The following CTNNA2 variants were observed in gnomAD, a reference collection of about 807,000 sequenced individuals.
CTNNA2 encodes the protein catenin alpha-2.
CTNNA2 carries 42 observed loss-of-function variants against 101.0 expected under a neutral mutation model. That is an observed-to-expected ratio of 0.42 (90% CI 0.32 to 0.54). The LOEUF is 0.54. CTNNA2 is among the 20% of genes least tolerant of loss of function. The pLI is 0.14. For missense variants in CTNNA2, 871 were observed against 1,223.1 expected (o/e 0.71, Z 4.29); for synonymous variants, 450 against 456.4 (o/e 0.99, Z 0.18).
intron 1 of CTNNA2, among the ~76,000 whole-genome samples, chr2:79,627,904 T>C (rs1679424629): frequency 1.3e-5 from 2 of 152,232 alleles, no homozygotes; most frequent in Non-Finnish European, 2.9e-5. Flanking sequence ...AAGGGAAATA[T>C]ACTGTTCTTT....
intron 4 of CTNNA2, among the ~76,000 whole-genome samples, chr2:79,445,535 C>T (rs1045321214): frequency 1.3e-5 from 2 of 152,146 alleles, no homozygotes; most frequent in Non-Finnish European, 2.9e-5. Flanking sequence ...CTTTTGGCTT[C>T]TTTCGGATGT....
At chr2:79,561,110 T>C (rs1164029768) in intron 1 of CTNNA2, among the ~76,000 whole-genome samples, 2 of 151,960 alleles carry the variant, frequency 1.3e-5, no homozygotes, top group African/African-American at 4.8e-5. Context: ...TCTCTAGGCT[T>C]ACTGTCTGCA....
chr2:80,313,718 C>G, intron 7 of CTNNA2: 1 of 1,239,876 alleles, frequency 8.1e-7, no homozygotes, highest in South Asian at 1.3e-5. Flanking sequence ...AGACTTTCAA[C>G]TAGAAATATG....
At chr2:79,673,062 A>T (rs1386836349) in intron 2 of CTNNA2, among the ~76,000 whole-genome samples, 1 of 152,150 alleles carries the variant, frequency 6.6e-6, no homozygotes, top group Admixed American at 6.5e-5. Context: ...TATATTGTCA[A>T]TATTTACCAA....
chr2:79,512,440 C>T (rs1671570740), upstream of CTNNA2, among the ~76,000 whole-genome samples: 1 of 152,082 alleles, frequency 6.6e-6, no homozygotes, highest in South Asian at 2.1e-4. Flanking sequence ...CGGGACTCCA[C>T]ATCCCAACAA....
rs1692978142 is a variant in CTNNA2 at position 80,555,788 on chromosome 2, C to T, written c.1636C>T (p.Arg546Trp). 3 of 1,599,796 alleles carry T rather than the reference C, an allele frequency of 1.9e-6. No individual in the cohort carries two copies. Among genetic ancestry groups the T allele is most frequent in the Admixed American group, 1.7e-5 (1 of 58,038 alleles). ...CCGGACTGCAGGGGCCATCAGGGGC[C>T]GGGCAGCTCGAGTCATACACATCAT... ...LDRTAGAIRG[R>W]AARVIHIINA... Residue 546 changes from arginine (R) to tryptophan (W), a missense_variant, in exon 12 of 19, where the codon CGG (arginine) becomes TGG (tryptophan). This residue lies in a region of CTNNA2 where 647 missense variants were observed against 831.5 expected (regional missense o/e 0.78). Transcript: ENST00000402739.
intron 11 of CTNNA2, among the ~76,000 whole-genome samples, chr2:80,555,257 G>A (rs1558581729): frequency 6.6e-6 from 1 of 152,292 alleles, no homozygotes; most frequent in East Asian, 1.9e-4. Flanking sequence ...TTTATACTTG[G>A]TCAGATTGAC....
At chr2:80,276,269 C>A (rs770968917) in intron 7 of CTNNA2, among the ~76,000 whole-genome samples, 1 of 152,044 alleles carries the variant, frequency 6.6e-6, no homozygotes, top group Non-Finnish European at 1.5e-5. Context: ...CAGATAAAAG[C>A]AAAGTCCTTC....
At chr2:79,723,200 T>C (rs1558872400) in intron 2 of CTNNA2, among the ~76,000 whole-genome samples, 1 of 152,084 alleles carries the variant, frequency 6.6e-6, no homozygotes, top group Non-Finnish European at 1.5e-5. Context: ...CCTGCACAAG[T>C]CCTATTGGTC....
At chr2:79,768,604 C>T (rs907420081) in intron 3 of CTNNA2, among the ~76,000 whole-genome samples, 30 of 151,880 alleles carry the variant, frequency 2.0e-4, no homozygotes, top group Non-Finnish European at 3.8e-4. Context: ...AATAGCATCA[C>T]ATGCTCTTGT....
At chr2:80,619,041 GCT>G (rs1179003030) in intron 17 of CTNNA2, 42 bp from the exon 18 acceptor site, 42 of 938,638 alleles carry the variant, frequency 4.5e-5, no homozygotes, top group South Asian at 7.7e-5. Context: ...TTTTTCTTTT[GCT>G]CTCTCTCTCA....
intron 3 of CTNNA2, among the ~76,000 whole-genome samples, chr2:79,328,393 C>T (rs995712027): frequency 1.3e-5 from 2 of 152,122 alleles, no homozygotes; most frequent in African/African-American, 4.8e-5. Flanking sequence ...TGAGAAATGA[C>T]TAAGATATTC....
rs568621482 is a variant in CTNNA2, at chr2:79,304,199, C to T, written c.-405-8510C>T. Among the ~76,000 whole-genome samples the T allele has an allele frequency of 4.6e-5, 7 of 152,166 alleles. 1 individual carries two copies. The highest frequency in any genetic ancestry group is 1.4e-4 in the African/African-American group (6 of 41,514). ...GGAGCAGGTAGAAAACTGGAAACTG[C>T]GTCAAGGGTGACTGAAATTCTGCTT... On this transcript the variant is annotated intron_variant, in intron 2 of 21. Coordinates refer to the CTNNA2 transcript ENST00000466387.
chr2:79,393,693 A>G (rs1472139065), intron 4 of CTNNA2, among the ~76,000 whole-genome samples: 2 of 151,134 alleles, frequency 1.3e-5, no homozygotes, highest in Non-Finnish European at 2.9e-5. Context: ...GCTGGAGGTC[A>G]CAAGCAGGAA....
At position 80,036,848 on chromosome 2, in the gene CTNNA2, T is replaced by A. The variant is rs12713995; in HGVS notation, c.1056+127051T>A. Among the ~76,000 whole-genome samples, 371 of 120,316 alleles carry A rather than the reference T, an allele frequency of 3.1e-3. 1 individual carries two copies. The highest frequency in any genetic ancestry group is 0.012 in the Middle Eastern group (3 of 248). 78.9% of individuals were successfully genotyped at this position (120,316 alleles called of 152,430 possible). A position where few individuals can be genotyped will look rare whatever the true frequency, so the allele number is the denominator to read the frequency against. On this transcript the variant is annotated intron_variant, in intron 7 of 18. Coordinates refer to ENST00000402739, the MANE Select transcript of CTNNA2 (RefSeq NM_001282597.3). ...TTGTGTGTGTGTGTGTGTGTGTGTG[T>A]GAGAGAGAGAGAGAGAGAGAGAGAG...
At chr2:79,683,417 G>C (rs923542467) in intron 2 of CTNNA2, among the ~76,000 whole-genome samples, 2 of 152,108 alleles carry the variant, frequency 1.3e-5, no homozygotes, top group African/African-American at 4.8e-5. Context: ...GTCCGTCTTT[G>C]GAAGTCAAAG....
intron 7 of CTNNA2, among the ~76,000 whole-genome samples, chr2:80,246,880 T>G (rs1671369578): frequency 6.6e-6 from 1 of 152,174 alleles, no homozygotes; most frequent in Non-Finnish European, 1.5e-5. Flanking sequence ...GACACTAGAT[T>G]GTCTAAGATA....
At chr2:80,590,001 C>T (rs1360096955) in intron 15 of CTNNA2, among the ~76,000 whole-genome samples, 2 of 152,064 alleles carry the variant, frequency 1.3e-5, no homozygotes, top group Non-Finnish European at 2.9e-5. Context: ...TATTAAGAAT[C>T]AGATACAACA....
intron 7 of CTNNA2, among the ~76,000 whole-genome samples, chr2:80,178,922 T>C (rs907744692): frequency 9.2e-5 from 14 of 152,200 alleles, no homozygotes; most frequent in African/African-American, 3.4e-4. Flanking sequence ...GTCCAGTGTA[T>C]TTGCTACTTC....
Sources: gnomAD v4.1 joint callset for allele counts (sites outside exome capture counted in the v4.1 genomes callset) on GRCh38, gnomAD v4.1.1 for gene constraint, gnomAD v4.1.1 regional missense constraint, MANE v1.5 for transcripts, NCBI Gene and HGNC (gene_info 2026-07-23, HGNC 2026-07-21) for gene names.